The following GALNT13 variants were observed in gnomAD, a reference collection of about 807,000 sequenced individuals.
The protein encoded by GALNT13 is polypeptide N-acetylgalactosaminyltransferase 13.
Under a neutral mutation model 64.2 loss-of-function variants are expected in GALNT13, and 28 were observed. The observed-to-expected ratio is 0.44, with a 90% confidence interval of 0.32 to 0.60. The LOEUF (loss-of-function observed/expected upper bound fraction) is 0.60, where lower values mean the gene tolerates loss of function less well. Ranked by LOEUF, GALNT13 falls within the 20% of genes least tolerant of loss-of-function variation. The probability of loss-of-function intolerance (pLI) is 0.05; values close to 1 mark genes in which losing one functional copy is unlikely to be tolerated. For missense variants in GALNT13, 577 were observed against 669.8 expected (o/e 0.86, Z 1.53); for synonymous variants, 214 against 224.6 (o/e 0.95, Z 0.42).
intron 2 of GALNT13, among the ~76,000 whole-genome samples, chr2:153,930,566 A>G (rs541237658): frequency 8.5e-5 from 13 of 152,268 alleles, no homozygotes; most frequent in African/African-American, 2.2e-4. Flanking sequence ...AGCATCATTT[A>G]TTGAATAGGA....
At chr2:153,876,370 T>G (rs1255704982) in intron 1 of GALNT13, among the ~76,000 whole-genome samples, 1 of 152,184 alleles carries the variant, frequency 6.6e-6, no homozygotes, top group Non-Finnish European at 1.5e-5. Flanking sequence ...GGCACATTGT[T>G]GAAGGACTTC....
the GALNT13 span, among the ~76,000 whole-genome samples, chr2:153,794,685 T>G: frequency 6.6e-6 from 1 of 152,078 alleles, no homozygotes; most frequent in Non-Finnish European, 1.5e-5. Context: ...TGCGCCCAGC[T>G]AATTTTTGTA....
chr2:154,049,977 A>G (rs1325531664), intron 3 of GALNT13, among the ~76,000 whole-genome samples: 1 of 151,998 alleles, frequency 6.6e-6, no homozygotes, highest in East Asian at 1.9e-4. Context: ...TCCTTTCTCA[A>G]TTGTATTAAA....
the GALNT13 span, among the ~76,000 whole-genome samples, chr2:153,161,020 A>T: frequency 6.6e-6 from 1 of 152,334 alleles, no homozygotes; most frequent in South Asian, 2.1e-4. Flanking sequence ...TTTAAAATAT[A>T]CTAGATTAAA....
the GALNT13 span, among the ~76,000 whole-genome samples, chr2:153,428,543 C>A: frequency 6.6e-6 from 1 of 152,158 alleles, no homozygotes. Flanking sequence ...TTGGAGGGAA[C>A]AAACATCCAA....
At chr2:154,156,307 C>G (rs1451776507) in intron 4 of GALNT13, among the ~76,000 whole-genome samples, 1 of 151,990 alleles carries the variant, frequency 6.6e-6, no homozygotes, top group Non-Finnish European at 1.5e-5. Flanking sequence ...TGTCTCATTT[C>G]TAAGCTATAT....
At chr2:153,652,725 C>T in the GALNT13 span, among the ~76,000 whole-genome samples, 16 of 152,090 alleles carry the variant, frequency 1.1e-4, no homozygotes, top group African/African-American at 3.6e-4. Context: ...CCAGTTTGTC[C>T]GAATGTAATT....
intron 1 of GALNT13, among the ~76,000 whole-genome samples, chr2:153,900,360 C>A (rs1688156625): frequency 6.6e-6 from 1 of 152,094 alleles, no homozygotes; most frequent in Non-Finnish European, 1.5e-5. Context: ...TTCTGAAACA[C>A]AGAGAATGGA....
chr2:153,743,392 A>G, the GALNT13 span, among the ~76,000 whole-genome samples: 5 of 152,108 alleles, frequency 3.3e-5, no homozygotes, highest in Admixed American at 2.6e-4. Flanking sequence ...TACTGATTTC[A>G]TGTCTTTTGG....
chr2:153,824,960 T>C, the GALNT13 span, among the ~76,000 whole-genome samples: 1 of 152,188 alleles, frequency 6.6e-6, no homozygotes, highest in Non-Finnish European at 1.5e-5. Flanking sequence ...AATGTATAAA[T>C]TACCAGTCTC....
chr2:153,130,610 C>T, the GALNT13 span, among the ~76,000 whole-genome samples: 2 of 152,094 alleles, frequency 1.3e-5, no homozygotes, highest in African/African-American at 4.8e-5. Context: ...CACCTGGCAC[C>T]CCAGCTACTC....
At chr2:154,329,845 T>C (rs1189385371) in intron 9 of GALNT13, among the ~76,000 whole-genome samples, 1 of 152,010 alleles carries the variant, frequency 6.6e-6, no homozygotes, top group Non-Finnish European at 1.5e-5. Flanking sequence ...TCTCCTGTGA[T>C]CTCTGTGCAG....
At chr2:153,733,932 G>A in the GALNT13 span, among the ~76,000 whole-genome samples, 701 of 152,164 alleles carry the variant, frequency 4.6e-3, 7 homozygotes, top group Non-Finnish European at 6.3e-3. Context: ...TGCTGAATTC[G>A]TCTTAGAGCC....
At chr2:153,985,388 T>C (rs185281213) in intron 3 of GALNT13, among the ~76,000 whole-genome samples, 86 of 152,138 alleles carry the variant, frequency 5.7e-4, no homozygotes, top group African/African-American at 2.0e-3. Context: ...TCTATTGTTA[T>C]TGAGTTGTGT....
At chr2:153,330,681 G>C in the GALNT13 span, among the ~76,000 whole-genome samples, 1 of 151,968 alleles carries the variant, frequency 6.6e-6, no homozygotes, top group Non-Finnish European at 1.5e-5. Context: ...TTTCAGTGGA[G>C]TCTTTGGGGG....
chr2:154,407,008 G>A (rs982037702), intron 10 of GALNT13, among the ~76,000 whole-genome samples: 2 of 152,140 alleles, frequency 1.3e-5, no homozygotes, highest in African/African-American at 4.8e-5. Context: ...TTCTTAATTT[G>A]TCAAAGAGTA....
the GALNT13 span, among the ~76,000 whole-genome samples, chr2:153,423,964 AC>A: frequency 6.6e-6 from 1 of 151,532 alleles, no homozygotes; most frequent in Non-Finnish European, 1.5e-5. Context: ...TTCTCAAAAA[AC>A]AAAAATGATA....
chr2:154,277,188 G>T (rs898951824), intron 8 of GALNT13, among the ~76,000 whole-genome samples: 1 of 152,034 alleles, frequency 6.6e-6, no homozygotes, highest in African/African-American at 2.4e-5. Flanking sequence ...TTAAATGGCA[G>T]GATTAATAAA....
chr2:153,236,362 A>G, the GALNT13 span, among the ~76,000 whole-genome samples: 3 of 152,146 alleles, frequency 2.0e-5, no homozygotes, highest in African/African-American at 7.2e-5. Flanking sequence ...GAACAGCTTT[A>G]TATTGGAAAA....
Sources: allele counts gnomAD v4.1 joint callset (sites outside exome capture counted in the v4.1 genomes callset), GRCh38; gene constraint gnomAD v4.1.1; transcripts MANE v1.5; gene names NCBI Gene and HGNC (gene_info 2026-07-23, HGNC 2026-07-21).